The following GRM7 variants were observed in gnomAD, a reference collection of about 807,000 sequenced individuals.
GRM7 encodes the protein glutamate metabotropic receptor 7, also known as metabotropic glutamate receptor 7.
A neutral mutation model predicts 84.5 loss-of-function variants in GRM7; 35 were observed. The ratio of observed to expected loss-of-function variants is 0.41; its 90% CI spans 0.32 to 0.55. The LOEUF (loss-of-function observed/expected upper bound fraction) is 0.55, where lower values mean the gene tolerates loss of function less well. Ranked by LOEUF, GRM7 falls within the 20% of genes least tolerant of loss-of-function variation. The pLI, the probability that GRM7 is intolerant of heterozygous loss-of-function variation, is 0.19. For missense variants in GRM7, 1,003 were observed against 1,194.6 expected (o/e 0.84, Z 2.36); for synonymous variants, 487 against 455.1 (o/e 1.07, Z -0.89).
At chr3:6,950,458 A>G (rs949814751) in intron 1 of GRM7, among the ~76,000 whole-genome samples, 2 of 152,128 alleles carry the variant, frequency 1.3e-5, no homozygotes, top group Non-Finnish European at 2.9e-5. Flanking sequence ...AGGTGTCAGT[A>G]CGCCCCTACT....
At chr3:7,052,572 G>C (rs1164459911) in intron 1 of GRM7, among the ~76,000 whole-genome samples, 2 of 149,948 alleles carry the variant, frequency 1.3e-5, no homozygotes, top group South Asian at 2.1e-4. Flanking sequence ...TACACACACA[G>C]ACAAGTCTGT....
intron 1 of GRM7, among the ~76,000 whole-genome samples, chr3:7,022,254 A>T (rs1041500647): frequency 7.9e-5 from 12 of 151,996 alleles, no homozygotes; most frequent in Admixed American, 4.6e-4. Flanking sequence ...TGAGCCTGGG[A>T]AGTAGAGATT....
chr3:7,324,000 G>A (rs954675668), intron 4 of GRM7, among the ~76,000 whole-genome samples: 11 of 151,958 alleles, frequency 7.2e-5, no homozygotes, highest in East Asian at 5.8e-4. Context: ...AAATCTTTAC[G>A]GGTGGCACCA....
chr3:7,143,807 A>G (rs1464398495), intron 1 of GRM7, among the ~76,000 whole-genome samples: 1 of 152,180 alleles, frequency 6.6e-6, no homozygotes, highest in African/African-American at 2.4e-5. Flanking sequence ...TTACATTTCC[A>G]CAAGTTGAAA....
chr3:7,180,103 TGATGATA>T (rs1253029185), intron 2 of GRM7, among the ~76,000 whole-genome samples: 1 of 152,180 alleles, frequency 6.6e-6, no homozygotes, highest in Admixed American at 6.5e-5. Context: ...GTTTGAAAAG[TGATGATA>T]TAGAAACAGT....
chr3:7,284,024 A>G (rs1384997550), intron 2 of GRM7, among the ~76,000 whole-genome samples: 2 of 152,342 alleles, frequency 1.3e-5, no homozygotes, highest in East Asian at 3.9e-4. Context: ...AGCAGTGTCA[A>G]TATCTTTACT....
Position 7,512,153 on chromosome 3 carries a change from AAAAAG to A in GRM7, c.1515+50450_1515+50454del, listed in dbSNP as rs750705346. Among the ~76,000 whole-genome samples, 28 of 152,126 alleles carry A rather than the reference AAAAAG, an allele frequency of 1.8e-4. 2 individuals carry two copies. The highest frequency in any genetic ancestry group is 5.9e-4 in the Admixed American group (9 of 15,276). On this transcript the variant is annotated intron_variant, in intron 7 of 9. Coordinates refer to ENST00000357716, the MANE Select transcript of GRM7 (RefSeq NM_000844.4). ...GACAGAGACCCTGTCTCTGGAAATA[AAAAAG>A]AAAAGAAAAGAAAAGAAATGACAAT...
chr3:6,977,142 T>C (rs564857704), intron 1 of GRM7, among the ~76,000 whole-genome samples: 23 of 152,246 alleles, frequency 1.5e-4, no homozygotes, highest in African/African-American at 5.5e-4. Context: ...CGAAACCAAG[T>C]GTTGGCCAAA....
rs926949877 is a variant in GRM7 at position 7,123,860 on chromosome 3, C to G, written c.520-22592C>G. On this transcript the variant is annotated intron_variant, in intron 1 of 9. Coordinates refer to ENST00000357716, the MANE Select transcript of GRM7 (RefSeq NM_000844.4). ...TTCTTGACCTGCAGATCAATTTGGT[C>G]TGCTGCTTCTCCGCTCCTGAGTTTG... Among the ~76,000 whole-genome samples, 239 of 152,322 alleles carry G rather than the reference C, an allele frequency of 1.6e-3. 3 individuals carry two copies. The highest frequency in any genetic ancestry group is 5.6e-3 in the African/African-American group (233 of 41,574).
chr3:7,665,386 A>ATC (rs1699654745), intron 8 of GRM7, among the ~76,000 whole-genome samples: 1 of 151,836 alleles, frequency 6.6e-6, no homozygotes, highest in East Asian at 1.9e-4. Context: ...CGTGTTAGCC[A>ATC]GGATGGTCTC....
chr3:7,661,164 G>C (rs76527897), intron 8 of GRM7, among the ~76,000 whole-genome samples: 5,704 of 152,216 alleles, frequency 0.037, 151 homozygotes, highest in East Asian at 0.055. Context: ...TGAATGAAAA[G>C]ACAAGATACA....
At chr3:7,042,023 C>T (rs1165228819) in intron 1 of GRM7, among the ~76,000 whole-genome samples, 3 of 152,112 alleles carry the variant, frequency 2.0e-5, no homozygotes, top group Non-Finnish European at 4.4e-5. Flanking sequence ...GGGTGGTATG[C>T]CTGGAAAGAA....
At chr3:6,995,422 T>C (rs1266436395) in intron 1 of GRM7, among the ~76,000 whole-genome samples, 1 of 152,238 alleles carries the variant, frequency 6.6e-6, no homozygotes, top group South Asian at 2.1e-4. Context: ...TGAGCCATAA[T>C]GTACTGACAC....
chr3:7,087,351 C>A (rs1040497855), intron 1 of GRM7, among the ~76,000 whole-genome samples: 1 of 150,846 alleles, frequency 6.6e-6, no homozygotes, highest in African/African-American at 2.4e-5. Context: ...GTGCCAAGTT[C>A]TCTGCTAAGT....
intron 1 of GRM7, among the ~76,000 whole-genome samples, chr3:6,989,179 G>A (rs1381441509): frequency 6.6e-6 from 1 of 152,140 alleles, no homozygotes; most frequent in Non-Finnish European, 1.5e-5. Context: ...TCCTTTAAAG[G>A]TATTTTGATG....
At chr3:7,686,497 T>C in intron 9 of GRM7, 1 of 810,360 alleles carries the variant, frequency 1.2e-6, no homozygotes, top group South Asian at 1.5e-5. Flanking sequence ...TTGTCTCCAA[T>C]GAGAATTAGA....
intron 7 of GRM7, among the ~76,000 whole-genome samples, chr3:7,522,074 G>C (rs1700617889): frequency 6.6e-6 from 1 of 152,084 alleles, no homozygotes; most frequent in African/African-American, 2.4e-5. Flanking sequence ...GCTCATTTTG[G>C]AGGTTCATAG....
At position 7,579,293 on chromosome 3, in the gene GRM7, C is replaced by T. The variant is rs756427285; in HGVS notation, c.2387C>T (p.Thr796Met). Residue 796 changes from threonine to methionine, a missense_variant, in exon 8 of 10, where the codon ACG becomes ATG. Thr to Met is a moderately conservative substitution (Grantham distance 81). Coordinates refer to ENST00000357716, the MANE Select transcript of GRM7 (RefSeq NM_000844.4). ...AAGCCCATTGGATTCACTATGTACA[C>T]GACATGTATAGTATGGCTTGCCTTC... ...EAKPIGFTMYTTCIVWLAFIP... is the reference protein window; with the variant it reads ...EAKPIGFTMYMTCIVWLAFIP... The T allele has an allele frequency of 7.4e-6, 12 of 1,613,224 alleles. No homozygotes were observed. Among genetic ancestry groups the T allele is most frequent in the Admixed American group, 6.7e-5 (4 of 59,906 alleles).
rs1217561192 is a variant in GRM7 at position 6,861,590 on chromosome 3, G to A, written c.202G>A (p.Gly68Ser). 6.2e-7 allele frequency: 1 copy of A among 1,609,536 alleles called. No homozygotes were observed. Among genetic ancestry groups the A allele is most frequent in the Admixed American group, 1.7e-5 (1 of 59,718 alleles). ...CAAGGGTCCCAGCGGAGTGCCCTGC[G>A]GCGACATCAAGAGGGAAAACGGGAT... ...HAKGPSGVPC[G>S]DIKRENGIHR... is the part of the protein sequence containing the mutation. The change falls in exon 1 of 10, where the codon GGC becomes AGC. Residue 68 changes from glycine to serine, a missense_variant. By Grantham distance (56) the Gly-to-Ser change is moderately conservative (BLOSUM62 0). Around this residue, in one of 2 missense-constraint regions of GRM7, gnomAD observed 910 missense variants for 1,126.0 expected, o/e 0.81. Coordinates refer to ENST00000357716, the MANE Select transcript of GRM7 (RefSeq NM_000844.4). The surrounding 1 kb of genome is among the most constrained non-coding windows in gnomAD (Gnocchi z 6.4).
Sources: allele counts gnomAD v4.1 joint callset (sites outside exome capture counted in the v4.1 genomes callset), GRCh38; gene constraint gnomAD v4.1.1; regional missense constraint gnomAD v4.1.1; non-coding constraint Gnocchi (gnomAD v3.1); transcripts MANE v1.5; gene names NCBI Gene and HGNC (gene_info 2026-07-23, HGNC 2026-07-21).